Variants in TRIO observed in about 807,000 individuals in gnomAD.
The protein encoded by TRIO is triple functional domain protein.
Under a neutral mutation model 351.9 loss-of-function variants are expected in TRIO, and 58 were observed. The observed-to-expected ratio is 0.16, with a 90% CI of 0.13 to 0.21. The LOEUF (loss-of-function observed/expected upper bound fraction) is 0.21. TRIO is among the 10% of genes least tolerant of loss of function. TRIO has a pLI of 1.00. For synonymous variants in TRIO, 1,758 were observed against 1,595.7 expected, an observed-to-expected ratio of 1.10 and a Z score of -2.42; for missense variants, 3,201 against 4,027.8, an observed-to-expected ratio of 0.79 and a Z score of 5.56.
intron 9 of TRIO, among the ~76,000 whole-genome samples, chr5:14,321,353 C>T (rs367864482): frequency 1.2e-4 from 18 of 152,350 alleles, no homozygotes; most frequent in Admixed American, 7.2e-4. Flanking sequence ...GCACAGAAAA[C>T]GTGGCCCCCA....
At chr5:14,315,339 A>G (rs1466664222) in intron 8 of TRIO, among the ~76,000 whole-genome samples, 1 of 146,990 alleles carries the variant, frequency 6.8e-6, no homozygotes. Context: ...TGCAACTTTC[A>G]TCTCCTGGGG....
chr5:14,380,320 G>A (rs1579482805), intron 20 of TRIO, among the ~76,000 whole-genome samples: 1 of 124,176 alleles, frequency 8.1e-6, no homozygotes, highest in Non-Finnish European at 1.6e-5. Flanking sequence ...CTCCTCCTTC[G>A]CGCCCCGCCT....
chr5:14,406,315 C>A (rs1157838874), intron 32 of TRIO: 6 of 560,798 alleles, frequency 1.1e-5, no homozygotes, highest in Non-Finnish European at 1.6e-5. Flanking sequence ...GCTGTTTTCT[C>A]ATTTTTAAAA....
chr5:14,408,012 T>C (rs1333760291), intron 33 of TRIO, among the ~76,000 whole-genome samples: 1 of 152,250 alleles, frequency 6.6e-6, no homozygotes, highest in African/African-American at 2.4e-5. Context: ...CCTCATTTCA[T>C]GAGACCTTTG....
intron 1 of TRIO, among the ~76,000 whole-genome samples, chr5:14,270,506 A>C (rs1359420451): frequency 1.3e-5 from 2 of 152,212 alleles, no homozygotes; most frequent in Non-Finnish European, 2.9e-5. Flanking sequence ...CTACATAAAA[A>C]TTAAGATTTG....
chr5:14,407,165 G>T (rs1217704298), intron 33 of TRIO, among the ~76,000 whole-genome samples: 1 of 152,112 alleles, frequency 6.6e-6, no homozygotes, highest in African/African-American at 2.4e-5. Flanking sequence ...GGAGAGAGGA[G>T]TCCTTGGGCC....
chr5:14,316,994 C>T (rs145970243), intron 9 of TRIO, among the ~76,000 whole-genome samples: 44 of 152,210 alleles, frequency 2.9e-4, no homozygotes, highest in African/African-American at 9.9e-4. Flanking sequence ...CTTCTAGAAT[C>T]GGATCATTCT....
chr5:14,440,542 G>A (rs1396905443), intron 34 of TRIO, among the ~76,000 whole-genome samples: 1 of 152,214 alleles, frequency 6.6e-6, no homozygotes, highest in Non-Finnish European at 1.5e-5. Flanking sequence ...TCTAAGATAC[G>A]CTTTCCTAAA....
intron 1 of TRIO, among the ~76,000 whole-genome samples, chr5:14,265,764 A>G (rs1031700298): frequency 4.6e-5 from 7 of 152,340 alleles, no homozygotes; most frequent in African/African-American, 1.7e-4. Flanking sequence ...TCAGTGGGGT[A>G]TTAGATAGTT....
rs79596301 is a variant in TRIO at position 14,450,156 on chromosome 5, G to C, written c.5204-10863G>C. Among the ~76,000 whole-genome samples the C allele has an allele frequency of 2.1e-3, 319 of 152,248 alleles. 6 individuals carry two copies. The East Asian group carries it at 0.044, about 21-fold the overall frequency. ...TCCGTTGGCTTGTTCTGTTTGGTGAGATCGACGCGGCCGGCCTCATATCTC... is the reference window on the plus strand; with the variant it reads ...TCCGTTGGCTTGTTCTGTTTGGTGACATCGACGCGGCCGGCCTCATATCTC... On this transcript the variant is annotated intron_variant, in intron 34 of 56. Transcript: ENST00000344204.
chr5:14,487,823 G>A lies in TRIO; in HGVS notation c.7195G>A (p.Ala2399Thr), dbSNP rs1209702075. ...CAGCAGGCGGCCCCCCGGCGCGGAC[G>A]CCGAGGGGTCCGAGCGAGAAGCGGA... is the stretch of plus-strand genomic sequence containing the variant. ...APSRRPPGAD[A>T]EGSEREAEPI... is the part of the protein sequence containing the mutation. Residue 2399 changes from alanine (A) to threonine (T), a missense_variant, in exon 48 of 57, where the codon GCC becomes ACC. Around this residue, in one of 19 missense-constraint regions of TRIO, gnomAD observed 1,089 missense variants for 954.9 expected, o/e 1.14. Coordinates refer to ENST00000344204, the MANE Select transcript of TRIO (RefSeq NM_007118.4). 7 of 1,486,476 alleles carry A rather than the reference G, an allele frequency of 4.7e-6. No individual in the cohort carries two copies. Among genetic ancestry groups the A allele is most frequent in the Non-Finnish European group, 6.3e-6 (7 of 1,117,534 alleles). 92.1% of individuals were successfully genotyped at this position (1,486,476 alleles called of 1,614,324 possible).
At chr5:14,445,207 T>C (rs1243248497) in intron 34 of TRIO, among the ~76,000 whole-genome samples, 1 of 152,222 alleles carries the variant, frequency 6.6e-6, no homozygotes, top group Non-Finnish European at 1.5e-5. Flanking sequence ...CCATGGAGTC[T>C]TCCTCATTTC....
chr5:14,470,899 C>A (rs1298984922), intron 37 of TRIO, among the ~76,000 whole-genome samples: 1 of 152,170 alleles, frequency 6.6e-6, no homozygotes, highest in Non-Finnish European at 1.5e-5. Context: ...GGTACCATGT[C>A]CAGGTGCCAC....
intron 48 of TRIO, chr5:14,489,047 G>T (rs758947669): frequency 2.6e-6 from 2 of 765,224 alleles, no homozygotes; most frequent in African/African-American, 1.7e-5. Flanking sequence ...GGCCTGGCCC[G>T]TAACACTTTC....
At chr5:14,267,290 A>C (rs1309157436) in intron 1 of TRIO, among the ~76,000 whole-genome samples, 2 of 152,096 alleles carry the variant, frequency 1.3e-5, no homozygotes, top group East Asian at 3.8e-4. Context: ...ACTGAGAAGT[A>C]GAAATGTTGC....
At chr5:14,209,477 TC>T (rs933418446) in intron 1 of TRIO, among the ~76,000 whole-genome samples, 10 of 152,214 alleles carry the variant, frequency 6.6e-5, no homozygotes, top group African/African-American at 2.4e-4. Context: ...ACTAATATAT[TC>T]TTTCTCCTGT....
chr5:14,396,558 C>T (rs1214350750), intron 28 of TRIO, among the ~76,000 whole-genome samples: 1 of 136,576 alleles, frequency 7.3e-6, no homozygotes, highest in Non-Finnish European at 1.5e-5. Context: ...CAGCCTCCAC[C>T]TCCCAGGTTC....
At chr5:14,342,594 G>T (rs1742039050) in intron 11 of TRIO, among the ~76,000 whole-genome samples, 1 of 152,182 alleles carries the variant, frequency 6.6e-6, no homozygotes, top group Non-Finnish European at 1.5e-5. Flanking sequence ...AATTATCCCA[G>T]TCTCTCATGC....
chr5:14,242,219 C>G (rs1041238023), intron 1 of TRIO, among the ~76,000 whole-genome samples: 1 of 152,238 alleles, frequency 6.6e-6, no homozygotes, highest in Non-Finnish European at 1.5e-5. Flanking sequence ...CTACTGCAGT[C>G]TACTTCATGT....
Sources: allele counts gnomAD v4.1 joint callset (sites outside exome capture counted in the v4.1 genomes callset), GRCh38; gene constraint gnomAD v4.1.1; regional missense constraint gnomAD v4.1.1; transcripts MANE v1.5; gene names NCBI Gene and HGNC (gene_info 2026-07-23, HGNC 2026-07-21).